Variants in TMTC1 observed in about 807,000 individuals in gnomAD.
The protein encoded by TMTC1 is transmembrane O-mannosyltransferase targeting cadherins 1, also known as protein O-mannosyl-transferase TMTC1.
In TMTC1, 73 loss-of-function variants were observed where a neutral mutation model predicts 104.8. The ratio of observed to expected loss-of-function variants is 0.70; its 90% CI spans 0.58 to 0.85. The LOEUF is 0.85. Ranked by LOEUF, TMTC1 falls within the 40% of genes least tolerant of loss-of-function variation. TMTC1 has a pLI of 0.00. For missense variants in TMTC1, 1,035 were observed against 1,096.1 expected (o/e 0.94, Z 0.79); for synonymous variants, 434 against 428.7 (o/e 1.01, Z -0.15).
intron 5 of TMTC1, among the ~76,000 whole-genome samples, chr12:29,726,099 G>A (rs1261829402): frequency 2.6e-5 from 4 of 152,110 alleles, no homozygotes; most frequent in Non-Finnish European, 5.9e-5. Context: ...CATACACCGT[G>A]TTCTGGTTCA....
intron 5 of TMTC1, among the ~76,000 whole-genome samples, chr12:29,713,888 G>A (rs937687288): frequency 9.2e-5 from 14 of 151,950 alleles, no homozygotes; most frequent in Admixed American, 8.5e-4. Flanking sequence ...AACAAGAGAT[G>A]TGTTGGTCAT....
intron 5 of TMTC1, among the ~76,000 whole-genome samples, chr12:29,645,306 C>T (rs1939217561): frequency 6.6e-6 from 1 of 152,172 alleles, no homozygotes; most frequent in South Asian, 2.1e-4. Context: ...CTTTTTGTAG[C>T]CCTCTTCAGC....
intron 5 of TMTC1, among the ~76,000 whole-genome samples, chr12:29,699,195 G>A (rs1159473732): frequency 2.6e-5 from 4 of 152,186 alleles, no homozygotes; most frequent in Non-Finnish European, 5.9e-5. Flanking sequence ...TAGGAGGATA[G>A]GTAACAGTTG....
At chr12:29,525,214 G>C (rs1296900680) in intron 11 of TMTC1, among the ~76,000 whole-genome samples, 1 of 101,242 alleles carries the variant, frequency 9.9e-6, no homozygotes, top group African/African-American at 3.5e-5. Flanking sequence ...ATGGAGTTTT[G>C]CTCTGTCACC....
intron 5 of TMTC1, among the ~76,000 whole-genome samples, chr12:29,746,304 CAAT>C: frequency 6.6e-6 from 1 of 152,262 alleles, no homozygotes; most frequent in East Asian, 1.9e-4. Context: ...CATCTGAGAT[CAAT>C]CAATGAATAT....
At chr12:29,584,985 T>C (rs113209670) in intron 7 of TMTC1, among the ~76,000 whole-genome samples, 16,259 of 148,616 alleles carry the variant, frequency 0.11, 1,072 homozygotes, top group African/African-American at 0.19. Context: ...AAATGGTATT[T>C]CTAATTCTAG....
intron 16 of TMTC1, among the ~76,000 whole-genome samples, chr12:29,512,894 A>G (rs1943879643): frequency 6.6e-6 from 1 of 152,218 alleles, no homozygotes; most frequent in Non-Finnish European, 1.5e-5. Context: ...AAAGCTAAGT[A>G]TTTGTGCACA....
intron 5 of TMTC1, chr12:29,661,298 A>C: frequency 1.1e-6 from 1 of 904,912 alleles, no homozygotes; most frequent in Non-Finnish European, 1.3e-6. Flanking sequence ...CTTAAACAAA[A>C]TAAGAGTTTA....
At chr12:29,575,934 C>T (rs538471522) in intron 8 of TMTC1, among the ~76,000 whole-genome samples, 26 of 152,262 alleles carry the variant, frequency 1.7e-4, no homozygotes, top group Non-Finnish European at 3.1e-4. Context: ...TGACAATAGC[C>T]GTCGTAACAG....
intron 6 of TMTC1, among the ~76,000 whole-genome samples, chr12:29,609,362 C>T (rs1946784904): frequency 6.6e-6 from 1 of 152,304 alleles, no homozygotes; most frequent in Middle Eastern, 3.4e-3. Flanking sequence ...TATGGCTGAA[C>T]ACTTCTTAGG....
intron 11 of TMTC1, among the ~76,000 whole-genome samples, chr12:29,523,897 G>A (rs542957324): frequency 6.6e-6 from 1 of 151,902 alleles, no homozygotes; most frequent in African/African-American, 2.4e-5. Context: ...GTCTGCTGGG[G>A]CCTATTGTAT....
At chr12:29,660,283 G>A (rs1229829139) in intron 5 of TMTC1, among the ~76,000 whole-genome samples, 1 of 152,176 alleles carries the variant, frequency 6.6e-6, no homozygotes, top group African/African-American at 2.4e-5. Flanking sequence ...GAGGCCCTCG[G>A]GGATGAGATA....
chr12:29,573,362 T>A (rs138023632), intron 8 of TMTC1, among the ~76,000 whole-genome samples: 11 of 152,288 alleles, frequency 7.2e-5, no homozygotes, highest in African/African-American at 2.6e-4. Context: ...TTTGATGAAA[T>A]CAGTTTGCAA....
intron 5 of TMTC1, among the ~76,000 whole-genome samples, chr12:29,681,361 T>G (rs1157435401): frequency 1.3e-5 from 2 of 152,168 alleles, no homozygotes; most frequent in East Asian, 3.8e-4. Flanking sequence ...TTCTGGCTAG[T>G]AAATTAAGAG....
intron 5 of TMTC1, among the ~76,000 whole-genome samples, chr12:29,661,124 G>C (rs1940002491): frequency 6.6e-6 from 1 of 152,050 alleles, no homozygotes; most frequent in Non-Finnish European, 1.5e-5. Context: ...TTATAAAAGG[G>C]AGACAATAAT....
rs1485533538 is a variant in TMTC1 at position 29,767,914 on chromosome 12, G to A, written c.464C>T (p.Pro155Leu). 2 of 1,613,374 alleles carry A rather than the reference G, an allele frequency of 1.2e-6. No homozygotes were observed. Among genetic ancestry groups the A allele is most frequent in the Admixed American group, 3.3e-5 (2 of 59,938 alleles). ...TACACTTACCGCCTCAGTATGAATA[G>A]GATGTACAGCAAAAAGCAATGCCGT... ...FVTALLFAVH[P>L]IHTEAVAGIV... The change falls in exon 2 of 18, where the codon CCT becomes CTT. Residue 155 changes from proline to leucine, a missense_variant. Pro to Leu is a moderately conservative substitution (Grantham distance 98). Transcript: ENST00000539277.
intron 11 of TMTC1, among the ~76,000 whole-genome samples, chr12:29,525,716 C>T (rs1337128024): frequency 2.0e-5 from 3 of 152,056 alleles, no homozygotes; most frequent in African/African-American, 4.8e-5. Flanking sequence ...GGCCCTCTAC[C>T]GACTATTTTA....
At chr12:29,694,896 T>C (rs1721154097) in intron 5 of TMTC1, among the ~76,000 whole-genome samples, 1 of 152,120 alleles carries the variant, frequency 6.6e-6, no homozygotes, top group South Asian at 2.1e-4. Context: ...GCCTTGCCAT[T>C]GCACTCTAGC....
At chr12:29,678,280 T>C (rs10843482) in intron 5 of TMTC1, among the ~76,000 whole-genome samples, 43,311 of 152,076 alleles carry the variant, frequency 0.28, 6,238 homozygotes, top group East Asian at 0.34. Flanking sequence ...GATTGGCTTA[T>C]AGTTCTCCAG....
Sources: allele counts gnomAD v4.1 joint callset (sites outside exome capture counted in the v4.1 genomes callset), GRCh38; gene constraint gnomAD v4.1.1; transcripts MANE v1.5; gene names NCBI Gene and HGNC (gene_info 2026-07-23, HGNC 2026-07-21).